Variants in FBXL7 observed in about 807,000 individuals in gnomAD.
The protein encoded by FBXL7 is F-box and leucine rich repeat protein 7.
A neutral mutation model predicts 38.3 loss-of-function variants in FBXL7; 12 were observed. That is an observed-to-expected ratio of 0.31 (90% CI 0.20 to 0.51). FBXL7 has a LOEUF of 0.51. Among genes scored for constraint, FBXL7 ranks in the 20% least tolerant of loss-of-function variants. The pLI, the probability that FBXL7 is intolerant of heterozygous loss-of-function variation, is 0.98. For synonymous variants in FBXL7, 297 were observed against 300.9 expected, an observed-to-expected ratio of 0.99 and a Z score of 0.13; for missense variants, 567 against 676.4, an observed-to-expected ratio of 0.84 and a Z score of 1.79.
chr5:15,674,570 A>C (rs1328653088), intron 2 of FBXL7, among the ~76,000 whole-genome samples: 1 of 152,192 alleles, frequency 6.6e-6, no homozygotes, highest in African/African-American at 2.4e-5. Context: ...GCACTCTACA[A>C]AGTTCATTAT....
intron 1 of FBXL7, among the ~76,000 whole-genome samples, chr5:15,596,793 T>C (rs1331989929): frequency 6.6e-6 from 1 of 152,180 alleles, no homozygotes; most frequent in African/African-American, 2.4e-5. Context: ...CTAGGAGAGC[T>C]TCCAGAAAGC....
intron 2 of FBXL7, among the ~76,000 whole-genome samples, chr5:15,642,855 T>G (rs558736447): frequency 6.6e-6 from 1 of 152,336 alleles, no homozygotes; most frequent in South Asian, 2.1e-4. Context: ...CCTGTTCAAT[T>G]CATTTCATGA....
intron 1 of FBXL7, among the ~76,000 whole-genome samples, chr5:15,594,752 A>G (rs536726282): frequency 6.6e-6 from 1 of 152,360 alleles, no homozygotes; most frequent in East Asian, 1.9e-4. Flanking sequence ...CCAGTGACAT[A>G]CTATATACTC....
At chr5:15,603,022 G>A (rs1334933562) in intron 1 of FBXL7, among the ~76,000 whole-genome samples, 1 of 151,926 alleles carries the variant, frequency 6.6e-6, no homozygotes, top group Non-Finnish European at 1.5e-5. Context: ...TATATTTTTT[G>A]TCAAGACATG....
intron 2 of FBXL7, among the ~76,000 whole-genome samples, chr5:15,897,179 C>T (rs1006059892): frequency 8.5e-5 from 13 of 152,064 alleles, no homozygotes; most frequent in Non-Finnish European, 1.8e-4. Context: ...ATAGTTTTTC[C>T]TAATTCAACA....
At chr5:15,745,428 T>C (rs1735989347) in intron 2 of FBXL7, among the ~76,000 whole-genome samples, 1 of 152,210 alleles carries the variant, frequency 6.6e-6, no homozygotes, top group Admixed American at 6.5e-5. Context: ...AAATTCATGC[T>C]CTCATGGACT....
intron 1 of FBXL7, among the ~76,000 whole-genome samples, chr5:15,568,863 T>C (rs1301908216): frequency 6.6e-6 from 1 of 152,154 alleles, no homozygotes; most frequent in African/African-American, 2.4e-5. Flanking sequence ...TCCCCATTTC[T>C]TGTTTTTCTC....
chr5:15,598,125 A>G (rs1739679738), intron 1 of FBXL7, among the ~76,000 whole-genome samples: 2 of 152,214 alleles, frequency 1.3e-5, no homozygotes, highest in Admixed American at 1.3e-4. Flanking sequence ...AAAATACATC[A>G]TAGATTATAG....
intron 1 of FBXL7, among the ~76,000 whole-genome samples, chr5:15,571,300 T>C (rs1399597189): frequency 6.6e-6 from 1 of 152,090 alleles, no homozygotes; most frequent in Non-Finnish European, 1.5e-5. Flanking sequence ...TGGCCTCAGT[T>C]AGTCATCCTT....
intron 2 of FBXL7, among the ~76,000 whole-genome samples, chr5:15,759,820 C>A (rs1278778404): frequency 1.3e-5 from 2 of 152,098 alleles, no homozygotes; most frequent in African/African-American, 4.8e-5. Context: ...AATTCCATTG[C>A]ATGCTGGTGT....
At chr5:15,560,945 ATGTTT>A (rs1738399228) in intron 1 of FBXL7, among the ~76,000 whole-genome samples, 1 of 152,132 alleles carries the variant, frequency 6.6e-6, no homozygotes. Context: ...GTACAATGTG[ATGTTT>A]TATTATATGT....
At chr5:15,620,470 G>C (rs1043396338) in intron 2 of FBXL7, among the ~76,000 whole-genome samples, 1 of 147,778 alleles carries the variant, frequency 6.8e-6, no homozygotes, top group Non-Finnish European at 1.5e-5. Flanking sequence ...AGCTGCTCTC[G>C]AACTCCTGAC....
chr5:15,679,121 A>G (rs1742754399), intron 2 of FBXL7, among the ~76,000 whole-genome samples: 1 of 152,194 alleles, frequency 6.6e-6, no homozygotes, highest in African/African-American at 2.4e-5. Flanking sequence ...GATTCTGACT[A>G]GCATCCTGAC....
At chr5:15,752,609 G>A (rs1736183193) in intron 2 of FBXL7, among the ~76,000 whole-genome samples, 1 of 152,180 alleles carries the variant, frequency 6.6e-6, no homozygotes, top group South Asian at 2.1e-4. Flanking sequence ...AAAGCATTAA[G>A]AGTTGTAATT....
intron 2 of FBXL7, among the ~76,000 whole-genome samples, chr5:15,858,717 AG>A (rs1483718108): frequency 6.6e-6 from 1 of 152,156 alleles, no homozygotes; most frequent in Non-Finnish European, 1.5e-5. Flanking sequence ...TGCTTTTTAA[AG>A]GAGCCAAATT....
intron 2 of FBXL7, among the ~76,000 whole-genome samples, chr5:15,678,740 C>T (rs1000025863): frequency 6.6e-6 from 1 of 152,116 alleles, no homozygotes; most frequent in Non-Finnish European, 1.5e-5. Flanking sequence ...TCCCTTTTCT[C>T]TTGACGCTCT....
At chr5:15,599,615 TCTC>T (rs1739733702) in intron 1 of FBXL7, among the ~76,000 whole-genome samples, 1 of 152,080 alleles carries the variant, frequency 6.6e-6, no homozygotes, top group South Asian at 2.1e-4. Flanking sequence ...TTGAAGATGA[TCTC>T]CTCCAGTTTT....
In FBXL7 at chr5:15,928,239, G is replaced by C. The variant is rs1313076617; in HGVS notation, c.477G>C (p.Leu159=). 1 of 1,611,494 alleles carries C rather than the reference G, an allele frequency of 6.2e-7. No individual in the cohort carries two copies. The highest frequency in any genetic ancestry group is 2.2e-5 in the East Asian group (1 of 44,790). The change falls in exon 3 of 4, where the codon CTG becomes CTC. Residue 159 remains leucine, a synonymous_variant. Coordinates refer to ENST00000504595, the MANE Select transcript of FBXL7 (RefSeq NM_012304.5). This position sits in a 1 kb window ranked among gnomAD's most constrained non-coding sequence, Gnocchi z 4.0. ...CGCGGCTCTGGAGGACTATCCGCCT[G>C]ACGGGCGAGACCATCAACGTGGACC... is the stretch of plus-strand genomic sequence containing the variant. ...WDPRLWRTIR[L]TGETINVDRA... is the part of the protein sequence containing the mutation.
intron 1 of FBXL7, among the ~76,000 whole-genome samples, chr5:15,598,807 G>A (rs1453251942): frequency 6.6e-6 from 1 of 152,142 alleles, no homozygotes; most frequent in Non-Finnish European, 1.5e-5. Flanking sequence ...ACTGGGCAAT[G>A]AGGATGGGTC....
Sources: gnomAD v4.1 joint callset for allele counts (sites outside exome capture counted in the v4.1 genomes callset) on GRCh38, gnomAD v4.1.1 for gene constraint, Gnocchi (gnomAD v3.1) non-coding constraint, MANE v1.5 for transcripts, NCBI Gene and HGNC (gene_info 2026-07-23, HGNC 2026-07-21) for gene names.